RBFOX2: variants seen among roughly 807,000 people sequenced by gnomAD.
RBFOX2 encodes RNA binding fox-1 homolog 2.
In RBFOX2, 10 loss-of-function variants were observed where a neutral mutation model predicts 49.1. That is an observed-to-expected ratio of 0.20 (90% confidence interval 0.13 to 0.35). RBFOX2 has a LOEUF of 0.35. Among genes scored for constraint, RBFOX2 ranks in the 10% least tolerant of loss-of-function variants. The pLI is 1.00. For missense variants in RBFOX2, 323 were observed against 486.9 expected (o/e 0.66, Z 3.17); for synonymous variants, 183 against 187.4 (o/e 0.98, Z 0.19).
At chr22:35,801,466 C>G (rs1445689118) in intron 2 of RBFOX2, among the ~76,000 whole-genome samples, 1 of 151,958 alleles carries the variant, frequency 6.6e-6, no homozygotes, top group Admixed American at 6.6e-5. Context: ...CTCTCTCTCT[C>G]TCCCTCCCCC....
chr22:35,932,781 T>G (rs1008086551), intron 1 of RBFOX2, among the ~76,000 whole-genome samples: 2 of 152,168 alleles, frequency 1.3e-5, no homozygotes, highest in Non-Finnish European at 2.9e-5. Context: ...CTCAGGAGGC[T>G]GAGGCAGAAG....
chr22:35,935,378 A>G lies in RBFOX2; in HGVS notation c.-34+3469T>C, dbSNP rs539011744. ...AATGCTCAGAGTGCTTTATAAAAGCAATGGATTGTCATCCCATAAAGCTTC... is the reference window on the plus strand; with the variant it reads ...AATGCTCAGAGTGCTTTATAAAAGCGATGGATTGTCATCCCATAAAGCTTC... On this transcript the variant is annotated intron_variant, in intron 1 of 13. Coordinates refer to the RBFOX2 transcript ENST00000359369. 1.4e-3 allele frequency among the ~76,000 whole-genome samples: 218 copies of G among 152,338 alleles called. 2 individuals are homozygous for G. Among genetic ancestry groups the G allele is most frequent in the African/African-American group, 4.8e-3 (200 of 41,588 alleles).
At chr22:35,826,081 C>T (rs1328562039) in intron 1 of RBFOX2, among the ~76,000 whole-genome samples, 1 of 149,684 alleles carries the variant, frequency 6.7e-6, no homozygotes, top group African/African-American at 2.5e-5. Flanking sequence ...GCGGCTCACG[C>T]CTATAATCCC....
chr22:35,834,917 A>G (rs1002806649), intron 1 of RBFOX2, among the ~76,000 whole-genome samples: 1 of 152,196 alleles, frequency 6.6e-6, no homozygotes, highest in Non-Finnish European at 1.5e-5. Context: ...CACTCTGGCA[A>G]TGACCTCTAA....
At chr22:35,973,195 C>T (rs1160976965) in intron 1 of RBFOX2, among the ~76,000 whole-genome samples, 1 of 152,160 alleles carries the variant, frequency 6.6e-6, no homozygotes, top group African/African-American at 2.4e-5. Context: ...CTAACTGATG[C>T]TTCCTCCATG....
intron 1 of RBFOX2, among the ~76,000 whole-genome samples, chr22:35,887,665 T>C (rs2046756120): frequency 6.6e-6 from 1 of 152,232 alleles, no homozygotes; most frequent in East Asian, 1.9e-4. Context: ...ACTGCACCTG[T>C]CCCCTGCTAA....
intron 2 of RBFOX2, among the ~76,000 whole-genome samples, chr22:35,786,976 G>C (rs558531435): frequency 1.3e-5 from 2 of 152,184 alleles, no homozygotes; most frequent in African/African-American, 4.8e-5. Context: ...AAGAGTCTCC[G>C]GGAGTGGAGA....
At chr22:35,908,342 A>G (rs2049359829) in intron 1 of RBFOX2, among the ~76,000 whole-genome samples, 2 of 152,226 alleles carry the variant, frequency 1.3e-5, no homozygotes, top group African/African-American at 4.8e-5. Context: ...TAAGTCAAAA[A>G]TGCATTTAAC....
In RBFOX2 at chr22:35,921,065, C is replaced by T. The variant is rs187890224; in HGVS notation, c.-34+17782G>A. ...AAAAGAATTAATTTAAAGATTGCAA[C>T]GCCTCTTAGCATTTTCTTACCAGCC... On this transcript the variant is annotated intron_variant, in intron 1 of 13. Transcript: ENST00000359369. 1.1e-4 allele frequency among the ~76,000 whole-genome samples: 16 copies of T among 152,288 alleles called. No individual in the cohort carries two copies. In the East Asian group the frequency reaches 2.3e-3, roughly 22 times the overall value.
chr22:35,975,512 G>C (rs2057102143), intron 1 of RBFOX2, among the ~76,000 whole-genome samples: 1 of 152,076 alleles, frequency 6.6e-6, no homozygotes, highest in Non-Finnish European at 1.5e-5. Context: ...ATTTAGATTA[G>C]GAATCCAATG....
exon 1 of RBFOX2, among the ~76,000 whole-genome samples, chr22:36,028,590 G>A (rs557278660): frequency 1.8e-4 from 26 of 148,526 alleles, no homozygotes; most frequent in African/African-American, 4.6e-4. Flanking sequence ...CGCGCCTCGC[G>A]GCCGCCGCTC....
intron 1 of RBFOX2, among the ~76,000 whole-genome samples, chr22:36,020,361 C>T (rs1340073535): frequency 1.3e-5 from 2 of 152,146 alleles, no homozygotes; most frequent in African/African-American, 2.4e-5. Flanking sequence ...GACTAAAACA[C>T]CAAAAGCAAT....
chr22:35,746,694 G>A, intron 9 of RBFOX2, 133 bp from the exon 12 acceptor site: 1 of 443,758 alleles, frequency 2.3e-6, no homozygotes, highest in Non-Finnish European at 4.0e-6. Flanking sequence ...ACACACATGG[G>A]AAGAAAATGT....
chr22:35,795,418 C>T (rs1403940214), intron 2 of RBFOX2, among the ~76,000 whole-genome samples: 1 of 152,010 alleles, frequency 6.6e-6, no homozygotes, highest in Non-Finnish European at 1.5e-5. Flanking sequence ...TGTGGCCCCC[C>T]TTCTTCCCAT....
chr22:35,810,129 G>A, intron 1 of RBFOX2, 125 bp from the exon 3 acceptor site: 1 of 912,178 alleles, frequency 1.1e-6, no homozygotes. Context: ...AATGCTTATT[G>A]CTCCAGGATT....
At chr22:35,748,895 T>C (rs1461355968) in intron 9 of RBFOX2, among the ~76,000 whole-genome samples, 1 of 152,200 alleles carries the variant, frequency 6.6e-6, no homozygotes, top group Non-Finnish European at 1.5e-5. Flanking sequence ...GAAGACTGAG[T>C]GAGGTACTGG....
At chr22:35,783,384 T>G (rs1310695648) in intron 2 of RBFOX2, among the ~76,000 whole-genome samples, 1 of 151,976 alleles carries the variant, frequency 6.6e-6, no homozygotes, top group East Asian at 1.9e-4. Context: ...GATGCCACAC[T>G]CAAGTTTTAA....
chr22:36,010,230 T>C (rs2058764191), intron 1 of RBFOX2, among the ~76,000 whole-genome samples: 1 of 151,942 alleles, frequency 6.6e-6, no homozygotes. Flanking sequence ...TGCCAACCCA[T>C]CTCTCGACTG....
intron 1 of RBFOX2, among the ~76,000 whole-genome samples, chr22:35,990,198 C>G (rs2150105282): frequency 6.6e-6 from 1 of 151,986 alleles, no homozygotes; most frequent in East Asian, 1.9e-4. Flanking sequence ...AAAACAAAAA[C>G]AAAAAACACA....
Sources: allele counts gnomAD v4.1 joint callset (sites outside exome capture counted in the v4.1 genomes callset), GRCh38; gene constraint gnomAD v4.1.1; transcripts MANE v1.5; gene names NCBI Gene and HGNC (gene_info 2026-07-23, HGNC 2026-07-21).